EPG5: variants seen among roughly 807,000 people sequenced by gnomAD.
The protein encoded by EPG5 is ectopic P-granules 5 autophagy tethering factor, also known as ectopic P granules protein 5 homolog.
Under a neutral mutation model 302.7 loss-of-function variants are expected in EPG5, and 159 were observed. The ratio of observed to expected loss-of-function variants is 0.53; its 90% CI spans 0.46 to 0.60. The LOEUF is 0.60. Among genes scored for constraint, EPG5 ranks in the 20% least tolerant of loss-of-function variants. EPG5 has a pLI of 0.00. For missense variants in EPG5, 2,896 were observed against 3,092.4 expected (o/e 0.94, Z 1.51); for synonymous variants, 1,158 against 1,136.8 (o/e 1.02, Z -0.37).
At chr18:45,865,492 G>A in intron 39 of EPG5, 123 bp downstream of exon 39, 1 of 1,080,354 alleles carries the variant, frequency 9.3e-7, no homozygotes, top group Non-Finnish European at 1.4e-6. Flanking sequence ...ACACCTCTCT[G>A]ACCATTGCTT....
chr18:45,852,581 T>C lies in EPG5; in HGVS notation c.7626A>G (p.Gln2542=), dbSNP rs1426275955. 3 of 1,614,196 alleles carry C rather than the reference T, an allele frequency of 1.9e-6. No homozygotes were observed. In the East Asian group the frequency reaches 6.7e-5, roughly 36 times the overall value. ...QYVEYQDQIL[Q]ATQFIRHPGH... is the part of the protein sequence containing the mutation. ...CAGGATGCCTTATAAATTGGGTGGCTTGCAATATTTGATCCTGGTATTCAA... is the reference window on the plus strand; with the variant it reads ...CAGGATGCCTTATAAATTGGGTGGCCTGCAATATTTGATCCTGGTATTCAA... Residue 2542 remains glutamine (Q), a synonymous_variant, in exon 44 of 44, where the codon CAA becomes CAG. Transcript: ENST00000282041.
chr18:45,943,284 G>A lies in EPG5; in HGVS notation c.1820C>T (p.Pro607Leu), dbSNP rs760748113. The change falls in exon 9 of 44, where the codon CCT becomes CTT. Residue 607 changes from proline to leucine, a missense_variant. Physicochemically the swap from Pro to Leu is moderately conservative, Grantham distance 98 (BLOSUM62 -3). This residue lies in a region of EPG5 where 1,390 missense variants were observed against 1,430.0 expected (regional missense o/e 0.97). Coordinates refer to ENST00000282041, the MANE Select transcript of EPG5 (RefSeq NM_020964.3). ...KGDYLPETTRPQEMMKIFAFA... is the reference protein window; with the variant it reads ...KGDYLPETTRLQEMMKIFAFA... ...GGCAAAAATTTTCATCATCTCTTGA[G>A]GTCTTGTTGTTTCAGGTAAATAATC... 5.0e-5 allele frequency: 80 copies of A among 1,613,806 alleles called. No individual in the cohort carries two copies. The highest frequency in any genetic ancestry group is 6.3e-5 in the Non-Finnish European group (74 of 1,179,916).
chr18:45,916,081 G>T lies in EPG5; in HGVS notation c.3510C>A (p.Asp1170Glu). 1 of 1,614,090 alleles carries T rather than the reference G, an allele frequency of 6.2e-7. No homozygotes were observed. The stretch of plus-strand genomic sequence containing the variant: ...GCTGAAAAGCTGCTTTACACAAGTG[G>T]TCCATGAGGAAGAGGATAGGTTGTT... ...YREQPILFLMDHLCKAAFQLM... is the reference protein window; with the variant it reads ...YREQPILFLMEHLCKAAFQLM... Residue 1170 changes from aspartate (D) to glutamate (E), a missense_variant, in exon 19 of 44, where the codon GAC (aspartate) becomes GAA (glutamate). Around this residue, in one of 5 missense-constraint regions of EPG5, gnomAD observed 1,390 missense variants for 1,430.0 expected, o/e 0.97. Coordinates refer to ENST00000282041, the MANE Select transcript of EPG5 (RefSeq NM_020964.3).
intron 23 of EPG5, among the ~76,000 whole-genome samples, chr18:45,908,808 G>T (rs567672025): frequency 3.5e-4 from 53 of 152,244 alleles, no homozygotes; most frequent in African/African-American, 1.3e-3. Flanking sequence ...AATGAGCCGG[G>T]TGTGGTGGTG....
intron 1 of EPG5, 44 bp downstream of exon 1, chr18:45,967,133 A>C: frequency 6.4e-7 from 1 of 1,550,530 alleles, no homozygotes; most frequent in South Asian, 1.2e-5. Context: ...GCAAGGAGAC[A>C]CAGCACACTG....
chr18:45,922,670 C>G (rs1427117188), intron 15 of EPG5, 70 bp from the exon 16 acceptor site: 2 of 1,548,496 alleles, frequency 1.3e-6, no homozygotes, highest in Non-Finnish European at 1.8e-6. Context: ...ATACACTCAT[C>G]TCCTTTTGTG....
the EPG5 span, among the ~76,000 whole-genome samples, chr18:45,839,446 C>A: frequency 5.9e-5 from 9 of 152,168 alleles, no homozygotes; most frequent in Non-Finnish European, 1.3e-4. Flanking sequence ...CTAAATAGCA[C>A]CGTTCCTGAG....
chr18:45,882,982 G>A (rs2049131025), intron 30 of EPG5, among the ~76,000 whole-genome samples: 1 of 148,564 alleles, frequency 6.7e-6, no homozygotes, highest in Non-Finnish European at 1.5e-5. Context: ...ACTCCAGCCT[G>A]GGCAACAAGA....
At chr18:45,929,074 A>G (rs1174774747) in intron 12 of EPG5, 65 bp from the exon 13 acceptor site, 7 of 1,484,674 alleles carry the variant, frequency 4.7e-6, no homozygotes, top group South Asian at 2.4e-5. Context: ...AAACACACTT[A>G]TATCATTTTT....
chr18:45,866,613 A>G (rs2048753492), intron 38 of EPG5, among the ~76,000 whole-genome samples, 185 bp downstream of exon 38: 1 of 152,168 alleles, frequency 6.6e-6, no homozygotes, highest in African/African-American at 2.4e-5. Context: ...CTAGTAAGTA[A>G]AAGTTCACCC....
chr18:45,832,730 C>G, the EPG5 span, among the ~76,000 whole-genome samples: 3 of 152,158 alleles, frequency 2.0e-5, no homozygotes, highest in African/African-American at 7.2e-5. Flanking sequence ...TTCAGGAATC[C>G]TCCCTCCCCT....
rs1321243187 is a variant in EPG5, at chr18:45,955,287, G to T, written c.115C>A (p.Leu39Ile). The change falls in exon 2 of 44, where the codon CTT becomes ATT. Residue 39 changes from leucine to isoleucine, a missense_variant. By Grantham distance (5) the Leu-to-Ile change is conservative. Around this residue, in one of 5 missense-constraint regions of EPG5, gnomAD observed 1,390 missense variants for 1,430.0 expected, o/e 0.97. Coordinates refer to ENST00000282041, the MANE Select transcript of EPG5 (RefSeq NM_020964.3). Reference sequence around the variant, plus strand: ...TCCTGCTCTCTGGAGGTTTTTGGAAGGGAGACTTCACTGGACTCTTCCCTC... The same window carrying T: ...TCCTGCTCTCTGGAGGTTTTTGGAATGGAGACTTCACTGGACTCTTCCCTC... ...PQREESSEVS[L>I]PKTSREQEIP... The T allele has an allele frequency of 3.1e-6, 5 of 1,613,296 alleles. No homozygotes were observed. Among genetic ancestry groups the T allele is most frequent in the Non-Finnish European group, 4.2e-6 (5 of 1,179,714 alleles).
intron 6 of EPG5, among the ~76,000 whole-genome samples, chr18:45,946,983 G>A (rs539929032): frequency 3.5e-4 from 54 of 152,332 alleles, no homozygotes; most frequent in African/African-American, 1.3e-3. Context: ...ATGAATAATT[G>A]CAGAAAAGCA....
chr18:45,837,679 C>T, the EPG5 span: 3 of 1,483,426 alleles, frequency 2.0e-6, no homozygotes, highest in Non-Finnish European at 2.7e-6. Context: ...CGCAGGTGTT[C>T]CGCTGCGCTG....
chr18:45,949,534 T>C lies in EPG5; in HGVS notation c.1447A>G (p.Ile483Val). The change falls in exon 5 of 44, where the codon ATT (isoleucine) becomes GTT (valine). Residue 483 changes from isoleucine (I) to valine (V), a missense_variant. Transcript: ENST00000282041. ...PGDHLFLLNH[I>V]LRCPAGVSKW... ...CTAACACCAGCGGGGCATCGAAGAATATGGTTTAGAAGGAAGAGGTGATCT... is the reference window on the plus strand; with the variant it reads ...CTAACACCAGCGGGGCATCGAAGAACATGGTTTAGAAGGAAGAGGTGATCT... 2 of 1,613,396 alleles carry C rather than the reference T, an allele frequency of 1.2e-6. No individual in the cohort carries two copies. Among genetic ancestry groups the C allele is most frequent in the Non-Finnish European group, 1.7e-6 (2 of 1,179,546 alleles).
chr18:45,922,322 G>T lies in EPG5; in HGVS notation c.3098+19C>A. ...TCTGCAAGGTTCAGTAACCCTAGTG[G>T]TTCAGCCCAACACTGTACCTGTGGC... On this transcript the variant is annotated intron_variant, in intron 16 of 43. Transcript: ENST00000282041. 6.2e-7 allele frequency: 1 copy of T among 1,612,454 alleles called. No individual in the cohort carries two copies. Among genetic ancestry groups the T allele is most frequent in the South Asian group, 1.1e-5 (1 of 90,970 alleles).
the EPG5 span, among the ~76,000 whole-genome samples, chr18:45,809,991 G>A: frequency 1.8e-4 from 28 of 152,024 alleles, 1 homozygote; most frequent in South Asian, 5.8e-3. Context: ...CCAAGAAAAG[G>A]AGAAAATCCA....
chr18:45,933,230 G>A (rs1366604243), intron 11 of EPG5, among the ~76,000 whole-genome samples: 1 of 152,158 alleles, frequency 6.6e-6, no homozygotes, highest in Non-Finnish European at 1.5e-5. Flanking sequence ...CTGCCCCCAG[G>A]ACAGTGGAGA....
At chr18:45,906,373 T>C (rs2049751852) in intron 24 of EPG5, among the ~76,000 whole-genome samples, 2 of 152,300 alleles carry the variant, frequency 1.3e-5, no homozygotes, top group Middle Eastern at 3.4e-3. Flanking sequence ...TTCCTACTCA[T>C]CTCTCTGGTT....
Sources: gnomAD v4.1 joint callset for allele counts (sites outside exome capture counted in the v4.1 genomes callset) on GRCh38, gnomAD v4.1.1 for gene constraint, gnomAD v4.1.1 regional missense constraint, MANE v1.5 for transcripts, NCBI Gene and HGNC (gene_info 2026-07-23, HGNC 2026-07-21) for gene names.